The following CCSER1 variants were observed in gnomAD, a reference collection of about 807,000 sequenced individuals.
CCSER1 encodes coiled-coil serine rich protein 1.
CCSER1 carries 41 observed loss-of-function variants against 82.0 expected under a neutral mutation model. The ratio of observed to expected loss-of-function variants is 0.50; its 90% CI spans 0.39 to 0.65. The LOEUF is 0.65. Among genes scored for constraint, CCSER1 ranks in the 30% least tolerant of loss-of-function variants. The pLI, the probability that CCSER1 is intolerant of heterozygous loss-of-function variation, is 0.00. For missense variants in CCSER1, 1,119 were observed against 1,064.2 expected (o/e 1.05, Z -0.72); for synonymous variants, 414 against 383.9 (o/e 1.08, Z -0.92).
At chr4:91,119,011 T>A (rs188410698) in intron 10 of CCSER1, among the ~76,000 whole-genome samples, 1 of 152,164 alleles carries the variant, frequency 6.6e-6, no homozygotes, top group East Asian at 1.9e-4. Flanking sequence ...TAAATTTCCT[T>A]CCTTAAAAGA....
At chr4:90,150,238 G>C (rs1726570209) in intron 1 of CCSER1, among the ~76,000 whole-genome samples, 1 of 152,128 alleles carries the variant, frequency 6.6e-6, no homozygotes, top group Non-Finnish European at 1.5e-5. Flanking sequence ...ACCAAACCCT[G>C]TGGGTACCAA....
At chr4:90,970,354 C>T (rs1455767097) in intron 9 of CCSER1, among the ~76,000 whole-genome samples, 1 of 151,460 alleles carries the variant, frequency 6.6e-6, no homozygotes, top group Admixed American at 6.6e-5. Context: ...TCACAAAAAA[C>T]CAAGAATGTC....
chr4:90,213,703 A>G (rs185255374), intron 1 of CCSER1, among the ~76,000 whole-genome samples: 116 of 152,292 alleles, frequency 7.6e-4, no homozygotes, highest in African/African-American at 2.6e-3. Context: ...ACGCCAAGTA[A>G]GGAAAGTACA....
intron 5 of CCSER1, among the ~76,000 whole-genome samples, chr4:90,539,308 T>C (rs995210550): frequency 1.3e-5 from 2 of 152,028 alleles, no homozygotes; most frequent in African/African-American, 2.4e-5. Flanking sequence ...CCCTAGAATA[T>C]AGTCCTAAGG....
chr4:90,553,658 T>G lies in CCSER1; in HGVS notation c.1725-74367T>G, dbSNP rs1777783836. ...GTGGGAAATAGTTAACTCATTCATTTTAATTGGTTATAAATAATCTTATTT... is the reference window on the plus strand; with the variant it reads ...GTGGGAAATAGTTAACTCATTCATTGTAATTGGTTATAAATAATCTTATTT... On this transcript the variant is annotated intron_variant, in intron 5 of 10. Coordinates refer to ENST00000509176, the MANE Select transcript of CCSER1 (RefSeq NM_001145065.2). Among the ~76,000 whole-genome samples, 4 of 152,340 alleles carry G rather than the reference T, an allele frequency of 2.6e-5. No individual in the cohort carries two copies. The South Asian group carries it at 8.3e-4, about 32-fold the overall frequency.
At chr4:90,130,178 C>T (rs564452318) in intron 1 of CCSER1, among the ~76,000 whole-genome samples, 6 of 152,162 alleles carry the variant, frequency 3.9e-5, no homozygotes, top group Non-Finnish European at 2.9e-5. Context: ...AAGGGCCTAA[C>T]GTTTGCAAAG....
At chr4:91,261,328 G>A (rs920641927) in intron 10 of CCSER1, among the ~76,000 whole-genome samples, 1 of 152,068 alleles carries the variant, frequency 6.6e-6, no homozygotes, top group East Asian at 1.9e-4. Flanking sequence ...CAAGTTCTTA[G>A]GTCAATTCCA....
At chr4:90,670,570 G>A (rs1372012484) in intron 6 of CCSER1, among the ~76,000 whole-genome samples, 1 of 152,034 alleles carries the variant, frequency 6.6e-6, no homozygotes, top group African/African-American at 2.4e-5. Context: ...GGTAGGCAAA[G>A]GGAAATTCTC....
chr4:91,029,754 A>C (rs779273758), intron 9 of CCSER1, among the ~76,000 whole-genome samples: 20 of 152,130 alleles, frequency 1.3e-4, no homozygotes, highest in Non-Finnish European at 2.8e-4. Context: ...TTATGTCTAC[A>C]TCAATGAGCT....
intron 10 of CCSER1, among the ~76,000 whole-genome samples, chr4:91,383,469 TG>T (rs1429495131): frequency 6.6e-6 from 1 of 152,112 alleles, no homozygotes. Flanking sequence ...GCCTCAACTT[TG>T]GGGCAAATTT....
chr4:90,603,111 C>T (rs191845480), intron 5 of CCSER1, among the ~76,000 whole-genome samples: 2 of 152,216 alleles, frequency 1.3e-5, no homozygotes, highest in African/African-American at 2.4e-5. Flanking sequence ...TTAGAAGTAT[C>T]GGTTACTTCT....
intron 10 of CCSER1, among the ~76,000 whole-genome samples, chr4:91,164,977 G>A (rs573110549): frequency 6.6e-6 from 1 of 152,158 alleles, no homozygotes; most frequent in African/African-American, 2.4e-5. Context: ...TCCATTGCTG[G>A]CGAGGAGCTG....
Position 91,599,141 on chromosome 4 carries a change from C to A in CCSER1, c.*84C>A. ...TAGTTCATATTAAAATTGTCATGTA[C>A]TTTTTCTTACATTTTAGTTATAAAC... On this transcript the variant is annotated 3_prime_UTR_variant, in exon 11 of 11. Coordinates refer to ENST00000509176, the MANE Select transcript of CCSER1 (RefSeq NM_001145065.2). 7.3e-7 allele frequency: 1 copy of A among 1,370,576 alleles called. No individual in the cohort carries two copies. Among genetic ancestry groups the A allele is most frequent in the Non-Finnish European group, 9.6e-7 (1 of 1,040,272 alleles). The allele number at this position is 1,370,576 out of a possible 1,614,324, so 84.9% of individuals were successfully genotyped here. A position where few individuals can be genotyped will look rare whatever the true frequency, so the allele number is the denominator to read the frequency against.
intron 1 of CCSER1, among the ~76,000 whole-genome samples, chr4:90,229,178 T>C (rs1375362182): frequency 1.3e-5 from 2 of 152,062 alleles, no homozygotes; most frequent in African/African-American, 2.4e-5. Context: ...TCAGATTCAT[T>C]GAAGTTGAAA....
chr4:91,159,692 T>C (rs887886084), intron 10 of CCSER1, among the ~76,000 whole-genome samples: 9 of 151,876 alleles, frequency 5.9e-5, no homozygotes, highest in African/African-American at 1.9e-4. Context: ...TTTTAAAAAT[T>C]AGAATCAGTG....
intron 9 of CCSER1, among the ~76,000 whole-genome samples, chr4:90,958,698 A>G (rs1221314042): frequency 6.6e-6 from 1 of 152,146 alleles, no homozygotes; most frequent in Non-Finnish European, 1.5e-5. Flanking sequence ...ATGTCCTTAT[A>G]AGGGTCCAGA....
At chr4:91,068,441 C>T (rs892030233) in intron 9 of CCSER1, among the ~76,000 whole-genome samples, 3 of 152,010 alleles carry the variant, frequency 2.0e-5, no homozygotes, top group African/African-American at 4.8e-5. Context: ...TTTTGCTGTT[C>T]CTAGAAATTA....
At chr4:91,122,128 G>T (rs1727141314) in intron 10 of CCSER1, among the ~76,000 whole-genome samples, 1 of 151,654 alleles carries the variant, frequency 6.6e-6, no homozygotes, top group Non-Finnish European at 1.5e-5. Flanking sequence ...AAGGGACTAA[G>T]CTTGACTCAG....
chr4:91,403,447 G>A (rs1752476797), intron 10 of CCSER1, among the ~76,000 whole-genome samples: 1 of 152,132 alleles, frequency 6.6e-6, no homozygotes, highest in Non-Finnish European at 1.5e-5. Context: ...TAGGAGTAGT[G>A]AGAAAAGGCA....
Sources: allele counts gnomAD v4.1 joint callset (sites outside exome capture counted in the v4.1 genomes callset), GRCh38; gene constraint gnomAD v4.1.1; transcripts MANE v1.5; gene names NCBI Gene and HGNC (gene_info 2026-07-23, HGNC 2026-07-21).